NPAS2: variants seen among roughly 807,000 people sequenced by gnomAD.
NPAS2 encodes neuronal PAS domain protein 2, also known as neuronal PAS domain-containing protein 2.
NPAS2 carries 23 observed loss-of-function variants against 107.5 expected under a neutral mutation model. The ratio of observed to expected loss-of-function variants is 0.21; its 90% CI spans 0.15 to 0.30. NPAS2 has a LOEUF of 0.30. Ranked by LOEUF, NPAS2 falls within the 10% of genes least tolerant of loss-of-function variation. NPAS2 has a pLI of 1.00. For missense variants in NPAS2, 756 were observed against 1,043.3 expected, an observed-to-expected ratio of 0.72 and a Z score of 3.79; for synonymous variants, 403 against 417.5, an observed-to-expected ratio of 0.97 and a Z score of 0.42.
intron 1 of NPAS2, among the ~76,000 whole-genome samples, chr2:100,871,779 T>C (rs1679601426): frequency 6.6e-6 from 1 of 152,072 alleles, no homozygotes; most frequent in Non-Finnish European, 1.5e-5. Flanking sequence ...ATTTGCCCTT[T>C]GAAACACTAG....
At position 100,820,892 on chromosome 2, in the gene NPAS2, T is replaced by TGGGTCGGAATTGGTTCC; in HGVS notation, c.-23+482_-23+498dup. The TGGGTCGGAATTGGTTCC allele has an allele frequency of 2.1e-6, 1 of 469,894 alleles. No individual in the cohort carries two copies. The highest frequency in any genetic ancestry group is 3.6e-6 in the Non-Finnish European group (1 of 275,370). 29.1% of individuals were successfully genotyped at this position (469,894 alleles called of 1,614,324 possible). On this transcript the variant is annotated intron_variant, in intron 1 of 20. Transcript: ENST00000335681. This position sits in a 1 kb window ranked among gnomAD's most constrained non-coding sequence, Gnocchi z 5.6. ...TGGGCCCGCGGTCTCTCGGAGTCCC[T>TGGGTCGGAATTGGTTCC]GGGTCGGAATTGGTTCCGGGCCGGA...
chr2:100,842,104 C>CA (rs1677473112), intron 1 of NPAS2, among the ~76,000 whole-genome samples: 1 of 152,074 alleles, frequency 6.6e-6, no homozygotes, highest in Admixed American at 6.5e-5. Flanking sequence ...CACACACACA[C>CA]ACACACTTAA....
At chr2:100,854,153 C>T (rs1678404851) in intron 1 of NPAS2, among the ~76,000 whole-genome samples, 1 of 103,082 alleles carries the variant, frequency 9.7e-6, no homozygotes, top group Non-Finnish European at 2.0e-5. Flanking sequence ...CATAGCCTGC[C>T]TCAACAAAAA....
chr2:100,866,664 T>C (rs1269349450), intron 1 of NPAS2, among the ~76,000 whole-genome samples: 1 of 152,190 alleles, frequency 6.6e-6, no homozygotes, highest in Non-Finnish European at 1.5e-5. Context: ...AGGATCTTCA[T>C]TCATTTATTC....
At chr2:100,829,752 C>T (rs1308199647) in intron 1 of NPAS2, among the ~76,000 whole-genome samples, 1 of 152,090 alleles carries the variant, frequency 6.6e-6, no homozygotes, top group South Asian at 2.1e-4. Flanking sequence ...CAGGGGAATG[C>T]TCTTAAAACA....
intron 1 of NPAS2, among the ~76,000 whole-genome samples, chr2:100,885,355 A>G (rs769964026): frequency 1.3e-5 from 2 of 152,210 alleles, no homozygotes; most frequent in Non-Finnish European, 2.9e-5. Context: ...CCAGACATAT[A>G]CTTTTTTATT....
At position 100,820,974 on chromosome 2, in the gene NPAS2, C is replaced by G. The variant is rs1441946971; in HGVS notation, c.-23+560C>G. The G allele has an allele frequency of 5.0e-6, 6 of 1,198,112 alleles. No homozygotes were observed. Among genetic ancestry groups the G allele is most frequent in the Non-Finnish European group, 6.6e-6 (6 of 907,376 alleles). 74.2% of individuals were successfully genotyped at this position (1,198,112 alleles called of 1,614,324 possible). ...TGTGCGCAGACAGCGTGCAGCCTGGCTCCTCACGTCGCTGCCGCCCCCCCA... is the reference window on the plus strand; with the variant it reads ...TGTGCGCAGACAGCGTGCAGCCTGGGTCCTCACGTCGCTGCCGCCCCCCCA... On this transcript the variant is annotated intron_variant, in intron 1 of 20. Transcript: ENST00000335681. The surrounding 1 kb of genome is among the most constrained non-coding windows in gnomAD (Gnocchi z 5.6).
chr2:100,888,742 G>T (rs1369607525), intron 1 of NPAS2, among the ~76,000 whole-genome samples: 3 of 152,154 alleles, frequency 2.0e-5, no homozygotes, highest in South Asian at 2.1e-4. Context: ...CATGGATTTT[G>T]TGTGTAGCAA....
In NPAS2 at chr2:100,953,133, T is replaced by C. The variant is rs570621811; in HGVS notation, c.598+3653T>C. Among the ~76,000 whole-genome samples the C allele has an allele frequency of 4.6e-5, 7 of 151,112 alleles. No individual in the cohort carries two copies. In the East Asian group the frequency reaches 1.4e-3, roughly 29 times the overall value. On this transcript the variant is annotated intron_variant, in intron 7 of 20. Coordinates refer to ENST00000335681, the MANE Select transcript of NPAS2 (RefSeq NM_002518.4). ...GCTCACACCTGTAATCCCAGCCCTT[T>C]GGGAGGCCAAGGCAGGAGATCACCT...
chr2:100,995,897 C>A lies in NPAS2; in HGVS notation c.*315C>A. On this transcript the variant is annotated 3_prime_UTR_variant, in exon 21 of 21. Transcript: ENST00000335681. ...CAGAGATGGCGCATCTCGCTGCATC[C>A]CCCGAGAGTACACCGGTTGCTCTAG... The A allele has an allele frequency of 6.9e-7, 1 of 1,451,822 alleles. No homozygotes were observed. The highest frequency in any genetic ancestry group is 9.2e-7 in the Non-Finnish European group (1 of 1,089,742). The allele number at this position is 1,451,822 out of a possible 1,614,324, so 89.9% of individuals were successfully genotyped here.
At chr2:100,856,853 C>T (rs1033711532) in intron 1 of NPAS2, among the ~76,000 whole-genome samples, 2 of 152,172 alleles carry the variant, frequency 1.3e-5, no homozygotes, top group Admixed American at 1.3e-4. Context: ...TTCAGATGAG[C>T]TATGAGTCAT....
At position 100,968,839 on chromosome 2, in the gene NPAS2, T is replaced by C. The variant is rs530377494; in HGVS notation, c.1055+411T>C. On this transcript the variant is annotated intron_variant, in intron 11 of 20. Transcript: ENST00000335681. This position sits in a 1 kb window ranked among gnomAD's most constrained non-coding sequence, Gnocchi z 5.3. ...TACCTCTAAATAACTCAAACACATA[T>C]TCCCCTTTATTTTTAATGCTTTAAA... Among the ~76,000 whole-genome samples, 164 of 152,326 alleles carry C rather than the reference T, an allele frequency of 1.1e-3. No homozygotes were observed. Among genetic ancestry groups the C allele is most frequent in the Non-Finnish European group, 1.8e-3 (121 of 68,024 alleles).
intron 1 of NPAS2, among the ~76,000 whole-genome samples, chr2:100,853,528 T>A (rs1678352102): frequency 6.6e-6 from 1 of 152,228 alleles, no homozygotes; most frequent in Non-Finnish European, 1.5e-5. Context: ...TCTTTATGTT[T>A]GTAACCTCGG....
chr2:100,936,628 C>T (rs1230560972), intron 4 of NPAS2, among the ~76,000 whole-genome samples: 2 of 152,138 alleles, frequency 1.3e-5, no homozygotes, highest in East Asian at 3.9e-4. Flanking sequence ...CTATCAGATA[C>T]ATATTGTGAA....
rs961112655 is a variant in NPAS2, at chr2:100,982,526, C to A, written c.1629+149C>A. ...TTATGAAAGCATATTGCAGTCTCTGCAAAGGACAAGGAACAAATCCCGGTC... is the reference window on the plus strand; with the variant it reads ...TTATGAAAGCATATTGCAGTCTCTGAAAAGGACAAGGAACAAATCCCGGTC... On this transcript the variant is annotated intron_variant, in intron 16 of 20. Coordinates refer to ENST00000335681, the MANE Select transcript of NPAS2 (RefSeq NM_002518.4). 30 of 906,410 alleles carry A rather than the reference C, an allele frequency of 3.3e-5. No individual in the cohort carries two copies. In the Middle Eastern group the frequency reaches 2.1e-3, roughly 63 times the overall value. The allele number at this position is 906,410 out of a possible 1,614,324, so 56.1% of individuals were successfully genotyped here. A position where few individuals can be genotyped will look rare whatever the true frequency, so the allele number is the denominator to read the frequency against.
At position 100,968,922 on chromosome 2, in the gene NPAS2, G is replaced by A. The variant is rs1676387318; in HGVS notation, c.1055+494G>A. On this transcript the variant is annotated intron_variant, in intron 11 of 20. Transcript: ENST00000335681. This position sits in a 1 kb window ranked among gnomAD's most constrained non-coding sequence, Gnocchi z 5.3. ...AAACAGCCTGGCTGCCAGTGGGCGC[G>A]GGTTCCTGGGAGGTCCCTGCTGGCC... Among the ~76,000 whole-genome samples the A allele has an allele frequency of 6.6e-6, 1 of 152,192 alleles. No homozygotes were observed. The highest frequency in any genetic ancestry group is 2.4e-5 in the African/African-American group (1 of 41,444).
intron 2 of NPAS2, among the ~76,000 whole-genome samples, chr2:100,911,026 A>G (rs1452932866): frequency 2.0e-5 from 3 of 152,202 alleles, no homozygotes; most frequent in Admixed American, 6.5e-5. Flanking sequence ...AAGTTACCCA[A>G]AATGTATTAT....
At chr2:100,995,268 C>T in intron 20 of NPAS2, 132 bp from the exon 21 acceptor site, 1 of 747,174 alleles carries the variant, frequency 1.3e-6, no homozygotes, top group Non-Finnish European at 2.1e-6. Context: ...GCCACCTCTC[C>T]CCACATGACC....
intron 2 of NPAS2, among the ~76,000 whole-genome samples, chr2:100,920,902 ACTC>A (rs1226394815): frequency 2.6e-5 from 4 of 151,932 alleles, no homozygotes; most frequent in Non-Finnish European, 4.4e-5. Flanking sequence ...GGGAAAGGCC[ACTC>A]CTCCTAGGAG....
Sources: allele counts gnomAD v4.1 joint callset (sites outside exome capture counted in the v4.1 genomes callset), GRCh38; gene constraint gnomAD v4.1.1; non-coding constraint Gnocchi (gnomAD v3.1); transcripts MANE v1.5; gene names NCBI Gene and HGNC (gene_info 2026-07-23, HGNC 2026-07-21).